Variants in DOCK10 observed in about 807,000 individuals in gnomAD.
The protein encoded by DOCK10 is dedicator of cytokinesis protein 10.
In DOCK10, 145 loss-of-function variants were observed where a neutral mutation model predicts 280.1. That is an observed-to-expected ratio of 0.52 (90% CI 0.45 to 0.59). The LOEUF (loss-of-function observed/expected upper bound fraction) is 0.59, where lower values mean the gene tolerates loss of function less well. DOCK10 is among the 20% of genes least tolerant of loss of function. The pLI is 0.00. For synonymous variants in DOCK10, 915 were observed against 942.2 expected, an observed-to-expected ratio of 0.97 and a Z score of 0.53; for missense variants, 2,368 against 2,651.7, an observed-to-expected ratio of 0.89 and a Z score of 2.35.
In DOCK10 at chr2:224,787,330, A is replaced by G; in HGVS notation, c.5486T>C (p.Ile1829Thr). 1 of 1,614,004 alleles carries G rather than the reference A, an allele frequency of 6.2e-7. No individual in the cohort carries two copies. The highest frequency in any genetic ancestry group is 8.5e-7 in the Non-Finnish European group (1 of 1,179,876). ...FLWKSERYELIADVNKPIIAV... is the reference protein window; with the variant it reads ...FLWKSERYELTADVNKPIIAV... ...AATGATGGGCTTGTTGACATCAGCA[A>G]TGAGTTCATATCGCTCAGACTTCCA... Residue 1829 changes from isoleucine to threonine, a missense_variant, in exon 49 of 56, where the codon ATT (isoleucine) becomes ACT (threonine). By Grantham distance (89) the Ile-to-Thr change is moderately conservative (BLOSUM62 -1). Transcript: ENST00000258390.
intron 26 of DOCK10, among the ~76,000 whole-genome samples, chr2:224,830,920 T>TTTATTTATTTATTTA (rs1695184078): frequency 2.0e-5 from 3 of 148,620 alleles, no homozygotes; most frequent in Admixed American, 6.7e-5. Context: ...CTAAACAAAC[T>TTTATTTATTTATTTA]TTTATTTATT....
At chr2:224,820,613 T>C (rs1340759119) in intron 28 of DOCK10, among the ~76,000 whole-genome samples, 1 of 152,188 alleles carries the variant, frequency 6.6e-6, no homozygotes, top group African/African-American at 2.4e-5. Flanking sequence ...TCTCCTCAAT[T>C]TTACTCACAG....
rs1427044739 is a variant in DOCK10 at position 224,886,047 on chromosome 2, C to G, written c.612+16G>C. ...AAGGGTGACAGAGATAAAGATGAGT[C>G]TTGATATCTCCTTACCCGAACAGTA... is the stretch of plus-strand genomic sequence containing the variant. On this transcript the variant is annotated intron_variant, in intron 6 of 55. Coordinates refer to ENST00000258390, the MANE Select transcript of DOCK10 (RefSeq NM_014689.3). 2 of 1,613,518 alleles carry G rather than the reference C, an allele frequency of 1.2e-6. No individual in the cohort carries two copies. The highest frequency in any genetic ancestry group is 8.5e-7 in the Non-Finnish European group (1 of 1,179,778).
chr2:224,870,757 A>G (rs545767979), intron 11 of DOCK10, among the ~76,000 whole-genome samples: 3 of 145,204 alleles, frequency 2.1e-5, no homozygotes, highest in East Asian at 4.0e-4. Flanking sequence ...TCTCCCCCCA[A>G]CCAACATCAT....
intron 1 of DOCK10, chr2:224,982,600 A>C (rs571792560): frequency 1.2e-6 from 1 of 824,934 alleles, no homozygotes; most frequent in African/African-American, 1.8e-5. Flanking sequence ...CTGCGCTCAG[A>C]AAGTATTTCT....
At chr2:224,856,796 A>G in intron 15 of DOCK10, 64 bp downstream of exon 15, 1 of 1,449,878 alleles carries the variant, frequency 6.9e-7, no homozygotes, top group Non-Finnish European at 9.3e-7. Context: ...TCAGGTATTT[A>G]TGAAGTGATA....
At chr2:224,902,812 G>A (rs1175753062) in intron 3 of DOCK10, among the ~76,000 whole-genome samples, 1 of 151,730 alleles carries the variant, frequency 6.6e-6, no homozygotes, top group Non-Finnish European at 1.5e-5. Context: ...TTAAAAACTT[G>A]GCTGGGCGCG....
intron 52 of DOCK10, among the ~76,000 whole-genome samples, chr2:224,774,196 T>C (rs976579812): frequency 2.6e-5 from 4 of 152,166 alleles, no homozygotes; most frequent in African/African-American, 9.7e-5. Flanking sequence ...TTACTGATCA[T>C]TTCCTCCAGA....
At chr2:224,791,407 A>G (rs1692184278) in intron 47 of DOCK10, among the ~76,000 whole-genome samples, 1 of 151,764 alleles carries the variant, frequency 6.6e-6, no homozygotes, top group Admixed American at 6.6e-5. Flanking sequence ...TTCTTCTCCA[A>G]GGTCCTTAAA....
chr2:224,768,399 T>C (rs903146225), intron 55 of DOCK10, among the ~76,000 whole-genome samples: 1 of 152,214 alleles, frequency 6.6e-6, no homozygotes, highest in Non-Finnish European at 1.5e-5. Context: ...TGTGGACAGA[T>C]CTTTTTATAG....
In DOCK10 at chr2:224,974,513, A is replaced by G. The variant is rs995095357; in HGVS notation, c.124-42845T>C. Among the ~76,000 whole-genome samples the G allele has an allele frequency of 3.9e-5, 6 of 152,086 alleles. No individual in the cohort carries two copies. The East Asian group carries it at 1.2e-3, about 29-fold the overall frequency. On this transcript the variant is annotated intron_variant, in intron 1 of 55. Transcript: ENST00000258390. ...CTCAACTGTATTACTCAGTTTTCAC[A>G]AAGTTTTATTATATTGAAGCCTGGC...
At chr2:224,952,984 G>C (rs1042419803) in intron 1 of DOCK10, among the ~76,000 whole-genome samples, 4 of 152,162 alleles carry the variant, frequency 2.6e-5, no homozygotes, top group African/African-American at 4.8e-5. Context: ...CTAAGCAACC[G>C]GGGGGCAGAA....
Position 224,793,019 on chromosome 2 carries a change from G to C in DOCK10, c.5266C>G (p.His1756Asp), listed in dbSNP as rs186248196. Reference protein sequence around the residue: ...CTASLLSEDTHPCDSNSLLTT... With the variant: ...CTASLLSEDTDPCDSNSLLTT... Reference sequence around the variant, plus strand: ...AGTAATGAGTTGCTATCACAGGGGTGGGTATCCTCCGAGAGCAGGGATGCT... The same window carrying C: ...AGTAATGAGTTGCTATCACAGGGGTCGGTATCCTCCGAGAGCAGGGATGCT... Residue 1756 changes from histidine to aspartate, a missense_variant, in exon 47 of 56, where the codon CAC becomes GAC. His to Asp is a moderately conservative substitution (Grantham distance 81, BLOSUM62 -1). Transcript: ENST00000258390. 1 of 1,613,746 alleles carries C rather than the reference G, an allele frequency of 6.2e-7. No individual in the cohort carries two copies. Among genetic ancestry groups the C allele is most frequent in the East Asian group, 2.2e-5 (1 of 44,858 alleles).
rs144142737 is a variant in DOCK10 at position 224,848,744 on chromosome 2, C to T, written c.2235+763G>A. Among the ~76,000 whole-genome samples, 51 of 152,278 alleles carry T rather than the reference C, an allele frequency of 3.3e-4. No individual in the cohort carries two copies. The East Asian group carries it at 4.3e-3, about 13-fold the overall frequency. On this transcript the variant is annotated intron_variant, in intron 19 of 55. Transcript: ENST00000258390. ...TGTTCCCTGTCATGTTTAGAGATGA[C>T]GGGATCCAAGCTCCCTTAAGTTCAG...
intron 1 of DOCK10, among the ~76,000 whole-genome samples, chr2:225,017,748 A>C (rs948146387): frequency 2.0e-5 from 3 of 151,330 alleles, no homozygotes; most frequent in Non-Finnish European, 4.4e-5. Flanking sequence ...GCCTTGCTGA[A>C]TATGTTTAAG....
At chr2:224,874,481 T>C (rs1698501863) in intron 9 of DOCK10, 132 bp from the exon 10 acceptor site, 1 of 926,690 alleles carries the variant, frequency 1.1e-6, no homozygotes, top group South Asian at 1.6e-5. Flanking sequence ...TTGGCAAATC[T>C]TGTAAAAGTA....
At chr2:224,901,954 G>A (rs946914795) in intron 3 of DOCK10, among the ~76,000 whole-genome samples, 2 of 152,100 alleles carry the variant, frequency 1.3e-5, no homozygotes, top group Non-Finnish European at 1.5e-5. Context: ...TATAGTGGAC[G>A]TTCAATATTT....
chr2:224,862,906 A>AT, intron 13 of DOCK10, among the ~76,000 whole-genome samples, 160 bp from the exon 14 acceptor site: 1 of 152,320 alleles, frequency 6.6e-6, no homozygotes, highest in East Asian at 1.9e-4. Context: ...ATGGTGTCCT[A>AT]TGTGTTCAAA....
intron 28 of DOCK10, among the ~76,000 whole-genome samples, chr2:224,820,695 A>C (rs1469854134): frequency 6.6e-6 from 1 of 152,218 alleles, no homozygotes; most frequent in African/African-American, 2.4e-5. Context: ...ATTTATTCCA[A>C]AAGCACAAGC....
Sources: gnomAD v4.1 joint callset for allele counts (sites outside exome capture counted in the v4.1 genomes callset) on GRCh38, gnomAD v4.1.1 for gene constraint, MANE v1.5 for transcripts, NCBI Gene and HGNC (gene_info 2026-07-23, HGNC 2026-07-21) for gene names.